Variants in CSGALNACT1 observed in about 807,000 individuals in gnomAD.
CSGALNACT1 encodes the protein chondroitin sulfate N-acetylgalactosaminyltransferase 1.
In CSGALNACT1, 52 loss-of-function variants were observed where a neutral mutation model predicts 51.0. The ratio of observed to expected loss-of-function variants is 1.02; its 90% CI spans 0.82 to 1.29. The LOEUF (loss-of-function observed/expected upper bound fraction) is 1.29, where lower values mean the gene tolerates loss of function less well. CSGALNACT1 is among the 50% of genes most tolerant of loss of function. CSGALNACT1 has a pLI of 0.00. For synonymous variants in CSGALNACT1, 341 were observed against 254.4 expected (o/e 1.34, Z -3.24); for missense variants, 935 against 679.2 (o/e 1.38, Z -4.19).
chr8:19,519,019 A>C (rs548024460), intron 3 of CSGALNACT1, among the ~76,000 whole-genome samples: 21 of 152,340 alleles, frequency 1.4e-4, no homozygotes, highest in African/African-American at 4.6e-4. Context: ...GACGATGAGA[A>C]ACAATATTTA....
chr8:19,506,110 C>T (rs1485538517), exon 4 of CSGALNACT1: 14 of 630,518 alleles, frequency 2.2e-5, no homozygotes, highest in South Asian at 1.8e-4. Flanking sequence ...TCCTGATGTG[C>T]AGCCAACAGC....
intron 8 of CSGALNACT1, among the ~76,000 whole-genome samples, chr8:19,411,201 C>T (rs1472510695): frequency 2.0e-5 from 3 of 152,338 alleles, no homozygotes; most frequent in African/African-American, 7.2e-5. Flanking sequence ...CCTGACCCTC[C>T]TGGCCCATGT....
chr8:19,461,027 C>A (rs1028092749), intron 4 of CSGALNACT1, among the ~76,000 whole-genome samples: 1 of 152,068 alleles, frequency 6.6e-6, no homozygotes, highest in Non-Finnish European at 1.5e-5. Context: ...ATTTAAAGGC[C>A]GAGACACGGA....
At chr8:19,722,533 C>T (rs1474698772) in intron 1 of CSGALNACT1, among the ~76,000 whole-genome samples, 1 of 152,176 alleles carries the variant, frequency 6.6e-6, no homozygotes, top group Non-Finnish European at 1.5e-5. Context: ...CCACAAAAGT[C>T]AACACCATTT....
intron 3 of CSGALNACT1, among the ~76,000 whole-genome samples, chr8:19,521,702 AACATGT>A (rs2080750721): frequency 6.6e-6 from 1 of 152,222 alleles, no homozygotes; most frequent in South Asian, 2.1e-4. Flanking sequence ...GCCAGGGTTT[AACATGT>A]ACATTTCTGA....
At chr8:19,448,316 A>G (rs1364943905) in intron 5 of CSGALNACT1, among the ~76,000 whole-genome samples, 3 of 152,188 alleles carry the variant, frequency 2.0e-5, no homozygotes, top group African/African-American at 4.8e-5. Context: ...TCATTGTAGG[A>G]AGAGTTACAA....
chr8:19,420,796 T>G (rs544637255), intron 6 of CSGALNACT1, among the ~76,000 whole-genome samples: 4 of 152,184 alleles, frequency 2.6e-5, no homozygotes, highest in Admixed American at 6.5e-5. Flanking sequence ...CATTAATGAC[T>G]ATTCTTTGTG....
intron 3 of CSGALNACT1, among the ~76,000 whole-genome samples, chr8:19,510,631 C>T (rs191900438): frequency 1.3e-5 from 2 of 152,218 alleles, no homozygotes; most frequent in East Asian, 3.9e-4. Context: ...CAGACAAATA[C>T]CATTAAAATA....
intron 3 of CSGALNACT1, among the ~76,000 whole-genome samples, chr8:19,530,651 A>G (rs1434713118): frequency 6.6e-6 from 1 of 152,148 alleles, no homozygotes; most frequent in African/African-American, 2.4e-5. Context: ...GGATCGCTTG[A>G]ACCCAAGAGA....
intron 1 of CSGALNACT1, among the ~76,000 whole-genome samples, chr8:19,708,007 C>T (rs555868513): frequency 1.8e-4 from 27 of 152,024 alleles, no homozygotes; most frequent in African/African-American, 6.3e-4. Context: ...GACTCCATCT[C>T]AAAAAAGAAA....
chr8:19,683,006 C>A (rs577895243), upstream of CSGALNACT1: 1 of 277,358 alleles, frequency 3.6e-6, no homozygotes. Flanking sequence ...TCACCCTGAA[C>A]ACAGCATCCC....
At chr8:19,725,102 C>T (rs886073208) in intron 1 of CSGALNACT1, among the ~76,000 whole-genome samples, 2 of 152,204 alleles carry the variant, frequency 1.3e-5, no homozygotes, top group Non-Finnish European at 2.9e-5. Context: ...CAGGGTTCAT[C>T]CTTACCCAAA....
At chr8:19,459,701 C>T (rs2064959534) in intron 4 of CSGALNACT1, among the ~76,000 whole-genome samples, 1 of 152,180 alleles carries the variant, frequency 6.6e-6, no homozygotes, top group Non-Finnish European at 1.5e-5. Context: ...TTACTTCATG[C>T]TCCTGTGCCT....
At chr8:19,512,329 G>T (rs985461127) in intron 3 of CSGALNACT1, among the ~76,000 whole-genome samples, 3 of 152,204 alleles carry the variant, frequency 2.0e-5, no homozygotes, top group African/African-American at 7.2e-5. Flanking sequence ...TAAGGCCTGA[G>T]ATGACTGCAA....
chr8:19,406,833 C>A (rs1490792110), intron 9 of CSGALNACT1, among the ~76,000 whole-genome samples: 2 of 152,060 alleles, frequency 1.3e-5, no homozygotes, highest in African/African-American at 2.4e-5. Context: ...CTCAGCCTCC[C>A]AAGTAGCTAG....
At chr8:19,697,311 C>G (rs753424777) in intron 1 of CSGALNACT1, among the ~76,000 whole-genome samples, 1 of 152,020 alleles carries the variant, frequency 6.6e-6, no homozygotes, top group Non-Finnish European at 1.5e-5. Context: ...GGGTTGCAAG[C>G]AAGAGGGTCA....
intron 4 of CSGALNACT1, among the ~76,000 whole-genome samples, chr8:19,488,585 T>C (rs1005266008): frequency 2.6e-5 from 4 of 152,050 alleles, no homozygotes; most frequent in Non-Finnish European, 4.4e-5. Flanking sequence ...CAGAAGGGTA[T>C]GAAGAGCCAG....
intron 4 of CSGALNACT1, among the ~76,000 whole-genome samples, chr8:19,482,870 C>T (rs1280053557): frequency 1.3e-5 from 2 of 152,150 alleles, no homozygotes; most frequent in Non-Finnish European, 2.9e-5. Flanking sequence ...GTCCCAGAGA[C>T]AGCTCAAAGT....
chr8:19,661,397 T>C (rs4921664), intron 1 of CSGALNACT1, among the ~76,000 whole-genome samples: 102,536 of 152,026 alleles, frequency 0.67, 34,763 homozygotes, highest in Admixed American at 0.8. Context: ...TTCTCCTGCA[T>C]GGCACTGACG....
Sources: allele counts gnomAD v4.1 joint callset (sites outside exome capture counted in the v4.1 genomes callset), GRCh38; gene constraint gnomAD v4.1.1; transcripts MANE v1.5; gene names NCBI Gene and HGNC (gene_info 2026-07-23, HGNC 2026-07-21).